STK32B: variants seen among roughly 807,000 people sequenced by gnomAD.
STK32B encodes serine/threonine-protein kinase 32B.
STK32B carries 43 observed loss-of-function variants against 52.6 expected under a neutral mutation model. The ratio of observed to expected loss-of-function variants is 0.82; its 90% CI spans 0.64 to 1.05. The LOEUF (loss-of-function observed/expected upper bound fraction) is 1.05, where lower values mean the gene tolerates loss of function less well. Among genes scored for constraint, STK32B ranks in the 50% least tolerant of loss-of-function variants. The pLI is 0.00. For missense variants in STK32B, 621 were observed against 534.6 expected (o/e 1.16, Z -1.59); for synonymous variants, 238 against 204.3 (o/e 1.17, Z -1.41).
intron 3 of STK32B, among the ~76,000 whole-genome samples, chr4:5,262,955 T>A (rs1577262383): frequency 6.6e-6 from 1 of 152,210 alleles, no homozygotes; most frequent in Admixed American, 6.5e-5. Flanking sequence ...GGAAGAAGAC[T>A]TAGCTCAGAT....
At chr4:5,050,876 A>G (rs758600442), upstream of STK32B, among the ~76,000 whole-genome samples, 3 of 152,088 alleles carry the variant, frequency 2.0e-5, no homozygotes, top group African/African-American at 7.2e-5. Flanking sequence ...ATGCCGCCCA[A>G]TTTTGGGGGA....
intron 4 of STK32B, chr4:5,345,557 G>A (rs1733396612): frequency 6.6e-6 from 1 of 152,154 alleles, no homozygotes; most frequent in South Asian, 2.1e-4. Flanking sequence ...GCATGTGCCT[G>A]GTTCTGTGTT....
intron 4 of STK32B, among the ~76,000 whole-genome samples, chr4:5,359,845 C>G (rs1734430768): frequency 6.6e-6 from 1 of 152,086 alleles, no homozygotes; most frequent in Non-Finnish European, 1.5e-5. Flanking sequence ...GAGGCCAGGC[C>G]AGGGGGAAAG....
chr4:5,042,718 T>G, the STK32B span, among the ~76,000 whole-genome samples: 1 of 152,172 alleles, frequency 6.6e-6, no homozygotes, highest in Admixed American at 6.5e-5. Flanking sequence ...TGCAGGGGAA[T>G]GGGAGGAAGT....
At chr4:5,258,258 G>A (rs1726467125) in intron 3 of STK32B, among the ~76,000 whole-genome samples, 1 of 152,192 alleles carries the variant, frequency 6.6e-6, no homozygotes, top group Non-Finnish European at 1.5e-5. Context: ...GACAGTGCCT[G>A]GGTTCAAGCC....
chr4:5,449,636 G>A (rs975436170), intron 7 of STK32B, among the ~76,000 whole-genome samples: 1 of 152,252 alleles, frequency 6.6e-6, no homozygotes, highest in East Asian at 1.9e-4. Context: ...AGGGGGTGAA[G>A]GTGAATGGCA....
intron 4 of STK32B, among the ~76,000 whole-genome samples, chr4:5,347,706 G>A (rs1270703155): frequency 1.3e-5 from 2 of 152,138 alleles, no homozygotes; most frequent in African/African-American, 4.8e-5. Flanking sequence ...CATGGGGGTG[G>A]ATTTCCTCCT....
At chr4:5,050,265 CA>C, upstream of STK32B, among the ~76,000 whole-genome samples, 1 of 152,246 alleles carries the variant, frequency 6.6e-6, no homozygotes, top group East Asian at 1.9e-4. Context: ...ACAGACAACC[CA>C]AGGAGTTAAT....
chr4:5,060,616 T>C (rs574831860), intron 1 of STK32B, among the ~76,000 whole-genome samples: 108 of 152,286 alleles, frequency 7.1e-4, no homozygotes, highest in Non-Finnish European at 1.2e-3. Context: ...TACACTTTAT[T>C]TTTTATTTCA....
intron 1 of STK32B, among the ~76,000 whole-genome samples, chr4:5,121,991 A>G (rs1201378418): frequency 6.6e-6 from 1 of 152,216 alleles, no homozygotes; most frequent in East Asian, 1.9e-4. Flanking sequence ...CCATAGAACC[A>G]TGCAAGAGTG....
At chr4:5,124,722 G>A (rs1285777933) in intron 1 of STK32B, among the ~76,000 whole-genome samples, 2 of 152,210 alleles carry the variant, frequency 1.3e-5, no homozygotes, top group Non-Finnish European at 2.9e-5. Flanking sequence ...GCATGCACCT[G>A]TATGCATGTG....
chr4:5,142,693 T>C (rs538416056), intron 2 of STK32B, among the ~76,000 whole-genome samples: 9 of 152,284 alleles, frequency 5.9e-5, no homozygotes, highest in Admixed American at 5.2e-4. Context: ...AAATCAGACA[T>C]AAAAAACAGT....
intron 4 of STK32B, among the ~76,000 whole-genome samples, chr4:5,384,389 C>T (rs1024333923): frequency 6.6e-6 from 1 of 151,822 alleles, no homozygotes; most frequent in African/African-American, 2.4e-5. Context: ...ATGGTGACAC[C>T]GAGACTTGGG....
At chr4:5,172,693 C>G (rs1298789370) in intron 3 of STK32B, among the ~76,000 whole-genome samples, 1 of 152,098 alleles carries the variant, frequency 6.6e-6, no homozygotes, top group Non-Finnish European at 1.5e-5. Flanking sequence ...TTTTGATGTG[C>G]TGCTGGATTC....
chr4:5,272,625 GC>G (rs746026147), intron 3 of STK32B, among the ~76,000 whole-genome samples: 43 of 152,210 alleles, frequency 2.8e-4, no homozygotes, highest in Non-Finnish European at 5.1e-4. Context: ...ACAGCATGGT[GC>G]TGGTACCAAA....
chr4:5,270,489 G>T (rs1482209786), intron 3 of STK32B, among the ~76,000 whole-genome samples: 1 of 151,868 alleles, frequency 6.6e-6, no homozygotes, highest in Non-Finnish European at 1.5e-5. Context: ...ATCTCCTTTG[G>T]TAACACCCTC....
At chr4:5,260,848 G>T (rs1726664054) in intron 3 of STK32B, among the ~76,000 whole-genome samples, 2 of 152,234 alleles carry the variant, frequency 1.3e-5, no homozygotes, top group South Asian at 4.2e-4. Flanking sequence ...GAAAGGAAGG[G>T]GGCAGAGTTG....
At chr4:5,237,640 G>C (rs539000816) in intron 3 of STK32B, among the ~76,000 whole-genome samples, 1 of 152,200 alleles carries the variant, frequency 6.6e-6, no homozygotes, top group Non-Finnish European at 1.5e-5. Flanking sequence ...AAATGAATGT[G>C]AGGCTTAATG....
At chr4:5,332,590 C>T (rs1468786101) in intron 4 of STK32B, among the ~76,000 whole-genome samples, 3 of 152,114 alleles carry the variant, frequency 2.0e-5, no homozygotes, top group Non-Finnish European at 2.9e-5. Flanking sequence ...TGGTGTGCTG[C>T]ACCCAATAAC....
Sources: gnomAD v4.1 joint callset for allele counts (sites outside exome capture counted in the v4.1 genomes callset) on GRCh38, gnomAD v4.1.1 for gene constraint, MANE v1.5 for transcripts, NCBI Gene and HGNC (gene_info 2026-07-23, HGNC 2026-07-21) for gene names.